SOX5: variants seen among roughly 807,000 people sequenced by gnomAD.
SOX5 encodes SRY-box transcription factor 5.
Under a neutral mutation model 92.0 loss-of-function variants are expected in SOX5, and 9 were observed. The ratio of observed to expected loss-of-function variants is 0.10; its 90% CI spans 0.06 to 0.17. The LOEUF (loss-of-function observed/expected upper bound fraction) is 0.17, where lower values mean the gene tolerates loss of function less well. SOX5 is among the 10% of genes least tolerant of loss of function. The pLI is 1.00. For missense variants in SOX5, 642 were observed against 944.5 expected (o/e 0.68, Z 4.20); for synonymous variants, 344 against 336.3 (o/e 1.02, Z -0.25).
chr12:24,105,492 G>A (rs1946570083), intron 4 of SOX5, among the ~76,000 whole-genome samples: 1 of 152,100 alleles, frequency 6.6e-6, no homozygotes, highest in African/African-American at 2.4e-5. Flanking sequence ...AGTGAGCCGA[G>A]ATCATGCCAC....
chr12:23,755,658 C>T lies in SOX5; in HGVS notation c.548G>A (p.Gly183Glu), dbSNP rs2094344176. 2.5e-6 allele frequency: 4 copies of T among 1,591,172 alleles called. No homozygotes were observed. Among genetic ancestry groups the T allele is most frequent in the Non-Finnish European group, 3.4e-6 (4 of 1,169,696 alleles). ...WKDKLLAMGS[G>E]NFGEIKGTPE... is the part of the protein sequence containing the mutation. ...ATTACCTTTTATTTCGCCAAAGTTCCCCGATCCCATTGCAAGAAGCTTGTC... is the reference window on the plus strand; with the variant it reads ...ATTACCTTTTATTTCGCCAAAGTTCTCCGATCCCATTGCAAGAAGCTTGTC... Residue 183 changes from glycine (G) to glutamate (E), a missense_variant, in exon 4 of 15, where the codon GGG becomes GAG. Transcript: ENST00000451604.
At chr12:23,851,401 T>C (rs1252775343) in intron 2 of SOX5, among the ~76,000 whole-genome samples, 2 of 152,080 alleles carry the variant, frequency 1.3e-5, no homozygotes, top group South Asian at 2.1e-4. Context: ...AAATGAGATG[T>C]AAATATAAAA....
chr12:24,519,510 T>C (rs1473276862), intron 1 of SOX5, among the ~76,000 whole-genome samples: 3 of 152,082 alleles, frequency 2.0e-5, no homozygotes, highest in African/African-American at 2.4e-5. Flanking sequence ...AAGATGAGTA[T>C]ACCATTCAAG....
chr12:24,092,001 A>G (rs766817837), intron 4 of SOX5, among the ~76,000 whole-genome samples: 4 of 152,302 alleles, frequency 2.6e-5, no homozygotes, highest in African/African-American at 4.8e-5. Flanking sequence ...GATGGTGTTT[A>G]CTGCTTGACA....
chr12:24,318,345 C>A (rs576789791), intron 2 of SOX5, among the ~76,000 whole-genome samples: 39 of 152,246 alleles, frequency 2.6e-4, no homozygotes, highest in African/African-American at 9.1e-4. Flanking sequence ...AGGATGCATG[C>A]CTTTCCTGTC....
At chr12:24,192,014 G>A (rs1254943875) in intron 4 of SOX5, among the ~76,000 whole-genome samples, 2 of 152,194 alleles carry the variant, frequency 1.3e-5, no homozygotes, top group African/African-American at 4.8e-5. Context: ...CAAATTATTA[G>A]TGATAAAAGT....
chr12:24,422,166 T>C (rs568619923), intron 1 of SOX5, among the ~76,000 whole-genome samples: 2 of 152,214 alleles, frequency 1.3e-5, no homozygotes, highest in Non-Finnish European at 2.9e-5. Context: ...AAGCTATTCA[T>C]TACACTCATT....
chr12:24,138,743 C>T (rs1232855072), intron 4 of SOX5, among the ~76,000 whole-genome samples: 2 of 152,124 alleles, frequency 1.3e-5, no homozygotes, highest in African/African-American at 2.4e-5. Flanking sequence ...GGCGAAAGAG[C>T]AGATAATAAT....
chr12:23,800,661 G>A (rs2142141270), intron 3 of SOX5, among the ~76,000 whole-genome samples: 1 of 152,130 alleles, frequency 6.6e-6, no homozygotes, highest in East Asian at 1.9e-4. Flanking sequence ...ATTTACACCT[G>A]TCATATTAAA....
chr12:24,144,822 C>T (rs986285482), intron 4 of SOX5, among the ~76,000 whole-genome samples: 29 of 149,462 alleles, frequency 1.9e-4, no homozygotes, highest in African/African-American at 6.6e-4. Flanking sequence ...GAGCAAGACC[C>T]TGTCTCAAAA....
chr12:23,871,153 C>T (rs4608184), intron 2 of SOX5, among the ~76,000 whole-genome samples: 107,976 of 151,988 alleles, frequency 0.71, 38,527 homozygotes, highest in East Asian at 0.89. Flanking sequence ...GTGCAGCTCA[C>T]ATATTAAACT....
At chr12:23,962,929 T>C (rs1947117090) in intron 4 of SOX5, among the ~76,000 whole-genome samples, 1 of 152,132 alleles carries the variant, frequency 6.6e-6, no homozygotes, top group Non-Finnish European at 1.5e-5. Flanking sequence ...AAAAAACCCC[T>C]CAATTCACTA....
intron 8 of SOX5, among the ~76,000 whole-genome samples, chr12:23,610,332 A>G (rs1269323064): frequency 1.3e-5 from 2 of 152,120 alleles, no homozygotes; most frequent in Admixed American, 6.6e-5. Flanking sequence ...CTGATTGACT[A>G]CTAGTCCACT....
chr12:24,561,432 G>T (rs953417753), intron 1 of SOX5, among the ~76,000 whole-genome samples: 1 of 151,888 alleles, frequency 6.6e-6, no homozygotes, highest in Admixed American at 6.5e-5. Flanking sequence ...ACAGTGCTTC[G>T]TGTGCATCCG....
chr12:23,833,923 T>C (rs968142000), intron 3 of SOX5, among the ~76,000 whole-genome samples: 2 of 152,046 alleles, frequency 1.3e-5, no homozygotes, highest in African/African-American at 2.4e-5. Flanking sequence ...CTACAAAATG[T>C]CAATTAGTAG....
chr12:24,011,504 A>G (rs1952934544), intron 4 of SOX5, among the ~76,000 whole-genome samples: 1 of 152,182 alleles, frequency 6.6e-6, no homozygotes, highest in African/African-American at 2.4e-5. Flanking sequence ...CTTTCCCAAA[A>G]GAAGAAGATT....
chr12:24,343,570 T>C lies in SOX5; in HGVS notation c.-174+24993A>G, dbSNP rs147159939. On this transcript the variant is annotated intron_variant, in intron 2 of 4. Coordinates refer to the SOX5 transcript ENST00000446891. ...AAGATATCTGTGGAACTAAGCCAGG[T>C]ACTGTATCACGCAGTCTTATGTCTT... Among the ~76,000 whole-genome samples, 473 of 152,222 alleles carry C rather than the reference T, an allele frequency of 3.1e-3. 5 individuals are homozygous for C. Among genetic ancestry groups the C allele is most frequent in the African/African-American group, 0.011 (450 of 41,548 alleles).
At chr12:24,216,782 G>C (rs775449407) in intron 3 of SOX5, among the ~76,000 whole-genome samples, 32 of 152,246 alleles carry the variant, frequency 2.1e-4, no homozygotes, top group South Asian at 4.2e-4. Context: ...ACAAAAATTA[G>C]CTGGGCAGGG....
In SOX5 at chr12:23,875,975, T is replaced by A. The variant is rs189193792; in HGVS notation, c.270+19818A>T. 2.0e-4 allele frequency among the ~76,000 whole-genome samples: 30 copies of A among 152,328 alleles called. No homozygotes were observed. The East Asian group carries it at 5.8e-3, about 29-fold the overall frequency. The stretch of plus-strand genomic sequence containing the variant: ...TAGATACTAAGTAAATGAATTAGTG[T>A]GGCTCTGTTCAATAGAACTGTATTC... On this transcript the variant is annotated intron_variant, in intron 2 of 14. Coordinates refer to ENST00000451604, the MANE Select transcript of SOX5 (RefSeq NM_006940.6).
Sources: gnomAD v4.1 joint callset for allele counts (sites outside exome capture counted in the v4.1 genomes callset) on GRCh38, gnomAD v4.1.1 for gene constraint, MANE v1.5 for transcripts, NCBI Gene and HGNC (gene_info 2026-07-23, HGNC 2026-07-21) for gene names.